The following TRANK1 variants were observed in gnomAD, a reference collection of about 807,000 sequenced individuals.
TRANK1 encodes the protein tetratricopeptide repeat and ankyrin repeat containing 1, also known as TPR and ankyrin repeat-containing protein 1.
TRANK1 carries 198 observed loss-of-function variants against 266.0 expected under a neutral mutation model. That is an observed-to-expected ratio of 0.74 (90% CI 0.66 to 0.84). The LOEUF (loss-of-function observed/expected upper bound fraction) is 0.84, where lower values mean the gene tolerates loss of function less well. Among genes scored for constraint, TRANK1 ranks in the 40% least tolerant of loss-of-function variants. The pLI is 0.00. For missense variants in TRANK1, 3,326 were observed against 3,634.6 expected (o/e 0.92, Z 2.18); for synonymous variants, 1,396 against 1,384.1 (o/e 1.01, Z -0.19).
intron 10 of TRANK1, among the ~76,000 whole-genome samples, chr3:36,861,833 G>A (rs889135812): frequency 6.6e-6 from 1 of 150,880 alleles, no homozygotes; most frequent in Non-Finnish European, 1.5e-5. Flanking sequence ...AGCCTCCCGA[G>A]TAGCTGGGAC....
chr3:36,835,086 G>T (rs567395176), intron 20 of TRANK1, among the ~76,000 whole-genome samples, 179 bp from the exon 21 acceptor site: 3 of 151,940 alleles, frequency 2.0e-5, no homozygotes, highest in Non-Finnish European at 4.4e-5. Context: ...TTGGGAGGCC[G>T]AGGCGGGCGG....
intron 10 of TRANK1, among the ~76,000 whole-genome samples, chr3:36,862,714 A>AC (rs2079158230): frequency 6.6e-6 from 1 of 152,212 alleles, no homozygotes; most frequent in Admixed American, 6.5e-5. Flanking sequence ...AGACGGGTCC[A>AC]CAAGTCCAGA....
At chr3:36,934,580 C>T (rs149151975) in intron 1 of TRANK1, among the ~76,000 whole-genome samples, 14 of 152,216 alleles carry the variant, frequency 9.2e-5, no homozygotes, top group Admixed American at 2.6e-4. Flanking sequence ...ACCCTCACCC[C>T]GCCCTGGGTA....
At chr3:36,898,212 G>C (rs1381537815) in intron 4 of TRANK1, among the ~76,000 whole-genome samples, 3 of 152,230 alleles carry the variant, frequency 2.0e-5, no homozygotes, top group African/African-American at 7.2e-5. Context: ...CAGCACTTTA[G>C]GAGGCCAAGG....
intron 20 of TRANK1, 105 bp from the exon 21 acceptor site, chr3:36,835,012 C>A: frequency 8.3e-7 from 1 of 1,206,248 alleles, no homozygotes; most frequent in Non-Finnish European, 1.1e-6. Context: ...TGTCTGCTTT[C>A]TGTTAGAATC....
chr3:36,903,082 A>G (rs2079907536), intron 3 of TRANK1, 67 bp downstream of exon 3: 6 of 1,491,574 alleles, frequency 4.0e-6, no homozygotes, highest in Middle Eastern at 2.2e-4. Context: ...TCATCCTTTC[A>G]TACCTTCATC....
chr3:36,908,963 C>T (rs2080013535), intron 1 of TRANK1, among the ~76,000 whole-genome samples: 1 of 152,184 alleles, frequency 6.6e-6, no homozygotes, highest in Non-Finnish European at 1.5e-5. Context: ...TACCACATCA[C>T]GTATTGGTAA....
intron 1 of TRANK1, among the ~76,000 whole-genome samples, chr3:36,932,144 T>C (rs1012733752): frequency 3.3e-5 from 5 of 152,172 alleles, no homozygotes; most frequent in African/African-American, 1.2e-4. Context: ...GTAACAGACA[T>C]GAATCCATGA....
At chr3:36,903,120 C>T in intron 3 of TRANK1, 29 bp downstream of exon 3, 3 of 1,533,320 alleles carry the variant, frequency 2.0e-6, no homozygotes, top group Non-Finnish European at 2.6e-6. Context: ...CAAGTCATCT[C>T]CCCACACCTT....
chr3:36,839,828 G>C (rs1325253859), intron 18 of TRANK1, among the ~76,000 whole-genome samples: 1 of 152,154 alleles, frequency 6.6e-6, no homozygotes, highest in Non-Finnish European at 1.5e-5. Flanking sequence ...TGAAGACTAG[G>C]AACATAGAGA....
chr3:36,839,698 G>A (rs1467307353), intron 18 of TRANK1, among the ~76,000 whole-genome samples: 1 of 152,156 alleles, frequency 6.6e-6, no homozygotes, highest in East Asian at 1.9e-4. Flanking sequence ...TTGGTTCTGG[G>A]AGCAGCTGGT....
At chr3:36,851,009 G>C (rs1190723400) in intron 15 of TRANK1, 1 of 985,478 alleles carries the variant, frequency 1.0e-6, no homozygotes, top group Non-Finnish European at 1.2e-6. Context: ...GTGGGAAAGA[G>C]AAAACAGTGG....
Position 36,879,781 on chromosome 3 carries a change from A to AATATAATATACAAAT in TRANK1, c.908-5486_908-5485insATTTGTATATTATAT, listed in dbSNP as rs1295088679. 5.3e-3 allele frequency among the ~76,000 whole-genome samples: 356 copies of AATATAATATACAAAT among 67,664 alleles called. 77 individuals are homozygous for AATATAATATACAAAT. The highest frequency in any genetic ancestry group is 7.6e-3 in the Non-Finnish European group (293 of 38,532). 44.4% of individuals were successfully genotyped at this position (67,664 alleles called of 152,430 possible). A position where few individuals can be genotyped will look rare whatever the true frequency, so the allele number is the denominator to read the frequency against. On this transcript the variant is annotated intron_variant, in intron 8 of 23. Transcript: ENST00000645898. ...ATATAAATATATATAAATATATATA[A>AATATAATATACAAAT]ATATGTAAATATATAAATATACAAA...
At position 36,903,181 on chromosome 3, in the gene TRANK1, C is replaced by T; in HGVS notation, c.250G>A (p.Glu84Lys). ...KWNEAFVAAKECLQWDPTYVK... is the reference protein window; with the variant it reads ...KWNEAFVAAKKCLQWDPTYVK... ...TAGGTTGGATCCCATTGGAGACATTCCTTGGCAGCAACAAATGCCTCATTC... is the reference window on the plus strand; with the variant it reads ...TAGGTTGGATCCCATTGGAGACATTTCTTGGCAGCAACAAATGCCTCATTC... Residue 84 changes from glutamate (E) to lysine (K), a missense_variant, in exon 3 of 24, where the codon GAA becomes AAA. Coordinates refer to ENST00000645898, the MANE Select transcript of TRANK1 (RefSeq NM_001329998.2). The T allele has an allele frequency of 2.0e-6, 3 of 1,537,330 alleles. No individual in the cohort carries two copies. Among genetic ancestry groups the T allele is most frequent in the Non-Finnish European group, 2.6e-6 (3 of 1,146,920 alleles).
chr3:36,855,743 T>G lies in TRANK1; in HGVS notation c.3979A>C (p.Lys1327Gln). The G allele has an allele frequency of 1.2e-6, 2 of 1,613,774 alleles. No individual in the cohort carries two copies. The highest frequency in any genetic ancestry group is 1.7e-6 in the Non-Finnish European group (2 of 1,179,854). Residue 1327 changes from lysine (K) to glutamine (Q), a missense_variant, in exon 13 of 24, where the codon AAA (lysine) becomes CAA (glutamine). Transcript: ENST00000645898. ...GTCATTTTGGGCCATATTTCATTTT[T>G]GAACACCTCAAACGTCACGTACACC... ...PRVYVTFEVF[K>Q]NEIWPKMTKG...
intron 1 of TRANK1, among the ~76,000 whole-genome samples, chr3:36,926,822 A>C (rs1559478027): frequency 6.6e-6 from 1 of 152,194 alleles, no homozygotes; most frequent in Non-Finnish European, 1.5e-5. Flanking sequence ...AAGGGTCGAA[A>C]CTGGGCAACT....
chr3:36,913,271 G>A (rs915099033), intron 1 of TRANK1, among the ~76,000 whole-genome samples: 2 of 151,952 alleles, frequency 1.3e-5, no homozygotes, highest in African/African-American at 4.8e-5. Flanking sequence ...GACTGGTCTC[G>A]AACTCCTGAC....
intron 11 of TRANK1, 85 bp from the exon 12 acceptor site, chr3:36,858,979 T>C: frequency 7.2e-7 from 1 of 1,386,504 alleles, no homozygotes; most frequent in African/African-American, 1.4e-5. Flanking sequence ...AGTTATTCAG[T>C]TGCAAGGGAA....
rs768371950 is a variant in TRANK1 at position 36,855,406 on chromosome 3, A to G, written c.4316T>C (p.Ile1439Thr). The stretch of plus-strand genomic sequence containing the variant: ...CAGCTCGGCCTGGGTAAAGTCTTGA[A>G]TCTCATCACCATAGAGCTCGTGGAT... ...WSIHELYGDEIQDFTQAELAL... is the reference protein window; with the variant it reads ...WSIHELYGDETQDFTQAELAL... The change falls in exon 13 of 24, where the codon ATT (isoleucine) becomes ACT (threonine). Residue 1439 changes from isoleucine (I) to threonine (T), a missense_variant. By Grantham distance (89) the Ile-to-Thr change is moderately conservative. Coordinates refer to ENST00000645898, the MANE Select transcript of TRANK1 (RefSeq NM_001329998.2). The G allele has an allele frequency of 4.3e-6, 7 of 1,613,844 alleles. No individual in the cohort carries two copies. The highest frequency in any genetic ancestry group is 2.7e-5 in the African/African-American group (2 of 74,910).
Sources: gnomAD v4.1 joint callset for allele counts (sites outside exome capture counted in the v4.1 genomes callset) on GRCh38, gnomAD v4.1.1 for gene constraint, MANE v1.5 for transcripts, NCBI Gene and HGNC (gene_info 2026-07-23, HGNC 2026-07-21) for gene names.